Variants in PIEZO2 observed in about 807,000 individuals in gnomAD.
The protein encoded by PIEZO2 is piezo type mechanosensitive ion channel component 2.
PIEZO2 carries 172 observed loss-of-function variants against 337.3 expected under a neutral mutation model. The observed-to-expected ratio is 0.51, with a 90% CI of 0.45 to 0.58. The LOEUF is 0.58. Ranked by LOEUF, PIEZO2 falls within the 20% of genes least tolerant of loss-of-function variation. The pLI, the probability that PIEZO2 is intolerant of heterozygous loss-of-function variation, is 0.00. For synonymous variants in PIEZO2, 1,251 were observed against 1,228.5 expected, an observed-to-expected ratio of 1.02 and a Z score of -0.38; for missense variants, 3,028 against 3,391.3, an observed-to-expected ratio of 0.89 and a Z score of 2.66.
Position 10,942,915 on chromosome 18 carries a change from G to A in PIEZO2, c.287-31687C>T, listed in dbSNP as rs2032804487. 6.6e-6 allele frequency among the ~76,000 whole-genome samples: 1 copy of A among 152,204 alleles called. No individual in the cohort carries two copies. Among genetic ancestry groups the A allele is most frequent in the African/African-American group, 2.4e-5 (1 of 41,456 alleles). On this transcript the variant is annotated intron_variant, in intron 3 of 55. Coordinates refer to ENST00000674853, the MANE Select transcript of PIEZO2 (RefSeq NM_001378183.1). The surrounding 1 kb of genome is among the most constrained non-coding windows in gnomAD (Gnocchi z 4.4). ...CTGCGTCCCAGTCACTCCAGCCATG[G>A]CTGAAAGGGGCCAACACAGAGCTTG...
chr18:10,836,035 T>C (rs972240070), intron 7 of PIEZO2, among the ~76,000 whole-genome samples: 1 of 152,228 alleles, frequency 6.6e-6, no homozygotes, highest in South Asian at 2.1e-4. Flanking sequence ...ATGTCGCTTA[T>C]GCTTTTTTTC....
At chr18:10,820,815 T>C (rs1203468334) in intron 7 of PIEZO2, among the ~76,000 whole-genome samples, 1 of 152,180 alleles carries the variant, frequency 6.6e-6, no homozygotes, top group African/African-American at 2.4e-5. Context: ...GGCTTGTTTA[T>C]AGGTTTTGTT....
At chr18:11,141,716 C>G (rs919282407) in intron 1 of PIEZO2, among the ~76,000 whole-genome samples, 3 of 152,080 alleles carry the variant, frequency 2.0e-5, no homozygotes, top group African/African-American at 7.2e-5. Context: ...AGAGAAGGCC[C>G]CGGGGAGACA....
At chr18:10,977,031 GTGTGTA>G (rs1298612570) in intron 3 of PIEZO2, among the ~76,000 whole-genome samples, 1 of 151,676 alleles carries the variant, frequency 6.6e-6, no homozygotes, top group Non-Finnish European at 1.5e-5. Context: ...GTGTGTGTGT[GTGTGTA>G]TGTAAGCTTG....
chr18:10,725,050 C>G lies in PIEZO2; in HGVS notation c.5029+6357G>C, dbSNP rs575963518. On this transcript the variant is annotated intron_variant, in intron 36 of 55. Transcript: ENST00000674853. ...CCCCTGCATGTTGGTGGCCCTGCGG[C>G]CAACCAACGTGGACCGTGAGGGAGA... 2.9e-5 allele frequency: 45 copies of G among 1,565,608 alleles called. No homozygotes were observed. In the South Asian group the frequency reaches 5.0e-4, roughly 17 times the overall value.
At chr18:10,703,709 A>C (rs371537783) in intron 42 of PIEZO2, among the ~76,000 whole-genome samples, 1 of 151,954 alleles carries the variant, frequency 6.6e-6, no homozygotes, top group African/African-American at 2.4e-5. Flanking sequence ...TATGGTTTTC[A>C]TGGGCATTCG....
At chr18:10,955,966 T>C (rs1423193419) in intron 3 of PIEZO2, among the ~76,000 whole-genome samples, 1 of 152,198 alleles carries the variant, frequency 6.6e-6, no homozygotes, top group Non-Finnish European at 1.5e-5. Context: ...TGAATAAACC[T>C]GAGCTGTGCT....
chr18:10,914,219 T>A (rs1373312367), intron 3 of PIEZO2, among the ~76,000 whole-genome samples: 1 of 152,066 alleles, frequency 6.6e-6, no homozygotes, highest in African/African-American at 2.4e-5. Flanking sequence ...CTTCCTTGAT[T>A]CAACACTTTT....
intron 2 of PIEZO2, among the ~76,000 whole-genome samples, chr18:11,012,983 G>C (rs2035957211): frequency 6.6e-6 from 1 of 152,106 alleles, no homozygotes; most frequent in Non-Finnish European, 1.5e-5. Flanking sequence ...AGTTAAGGCT[G>C]GAGTGAGCTG....
chr18:11,090,829 T>C (rs891704936), intron 1 of PIEZO2, among the ~76,000 whole-genome samples: 3 of 129,910 alleles, frequency 2.3e-5, no homozygotes, highest in East Asian at 2.9e-4. Context: ...AGGAGAATGG[T>C]GTGAACCCGG....
Position 10,677,762 on chromosome 18 carries a change from C to T in PIEZO2, c.8066G>A (p.Ser2689Asn). Residue 2689 changes from serine (S) to asparagine (N), a missense_variant, in exon 53 of 56, where the codon AGT becomes AAT. Around this residue, in one of 5 missense-constraint regions of PIEZO2, gnomAD observed 332 missense variants for 363.8 expected, o/e 0.91. Transcript: ENST00000674853. This position sits in a 1 kb window ranked among gnomAD's most constrained non-coding sequence, Gnocchi z 4.1. ...ATACACTTACACTGGTGTTTTTGAA[C>T]TTTCTGTGCTGTTGCCTGCTATCAT... The part of the protein sequence containing the change: ...AKMIAGNSTE[S>N]SKTPVTIEKI... 6.2e-7 allele frequency: 1 copy of T among 1,608,586 alleles called. No homozygotes were observed.
chr18:10,895,076 C>T lies in PIEZO2; in HGVS notation c.329+16110G>A, dbSNP rs773303468. ...GAAGCCTCAGTGGGCTGTCATTTGC[C>T]CAGAGGCAACATGTGTCCTCCAGGC... is the stretch of plus-strand genomic sequence containing the variant. On this transcript the variant is annotated intron_variant, in intron 4 of 55. Coordinates refer to ENST00000674853, the MANE Select transcript of PIEZO2 (RefSeq NM_001378183.1). The surrounding 1 kb of genome is among the most constrained non-coding windows in gnomAD (Gnocchi z 4.8). Among the ~76,000 whole-genome samples the T allele has an allele frequency of 1.3e-5, 2 of 152,282 alleles. No individual in the cohort carries two copies. The highest frequency in any genetic ancestry group is 4.8e-5 in the African/African-American group (2 of 41,552).
chr18:11,023,836 G>A (rs1033682431), intron 2 of PIEZO2, among the ~76,000 whole-genome samples: 5 of 152,200 alleles, frequency 3.3e-5, no homozygotes, highest in South Asian at 2.1e-4. Flanking sequence ...GCGCAGCGCC[G>A]GTGGGCCGGC....
intron 7 of PIEZO2, among the ~76,000 whole-genome samples, chr18:10,841,370 G>A (rs1290301669): frequency 5.3e-5 from 8 of 152,122 alleles, no homozygotes; most frequent in African/African-American, 9.7e-5. Context: ...CAAGTTTCAT[G>A]AGCTGAAAAG....
At chr18:10,740,709 G>A (rs936025015) in intron 33 of PIEZO2, 24 of 471,990 alleles carry the variant, frequency 5.1e-5, no homozygotes, top group African/African-American at 3.1e-4. Context: ...TAGGGCTCTC[G>A]ACCTCAGAAT....
chr18:10,811,369 A>G (rs1272231186), intron 7 of PIEZO2, among the ~76,000 whole-genome samples: 2 of 152,138 alleles, frequency 1.3e-5, no homozygotes, highest in Non-Finnish European at 2.9e-5. Flanking sequence ...AAAAGGGTGT[A>G]TGTCTTGTCA....
chr18:10,905,512 G>C (rs944453778), intron 4 of PIEZO2, among the ~76,000 whole-genome samples: 2 of 151,418 alleles, frequency 1.3e-5, no homozygotes, highest in Admixed American at 1.3e-4. Flanking sequence ...GAACCCGGGA[G>C]GCAGAGGTTG....
intron 2 of PIEZO2, among the ~76,000 whole-genome samples, chr18:11,065,192 T>C (rs1463332184): frequency 3.3e-5 from 5 of 152,238 alleles, no homozygotes; most frequent in African/African-American, 1.2e-4. Context: ...TCATTATTTG[T>C]TGTTCTGTGT....
At chr18:10,717,769 AAG>A (rs1380810319) in intron 37 of PIEZO2, among the ~76,000 whole-genome samples, 1 of 152,188 alleles carries the variant, frequency 6.6e-6, no homozygotes, top group African/African-American at 2.4e-5. Flanking sequence ...TCCTAAAATG[AAG>A]AGTTTGGCCC....
Sources: allele counts gnomAD v4.1 joint callset (sites outside exome capture counted in the v4.1 genomes callset), GRCh38; gene constraint gnomAD v4.1.1; regional missense constraint gnomAD v4.1.1; non-coding constraint Gnocchi (gnomAD v3.1); transcripts MANE v1.5; gene names NCBI Gene and HGNC (gene_info 2026-07-23, HGNC 2026-07-21).